The following TBC1D7 variants were observed in gnomAD, a reference collection of about 807,000 sequenced individuals.
TBC1D7 encodes the protein TBC domain family 7.
A neutral mutation model predicts 35.3 loss-of-function variants in TBC1D7; 33 were observed. That is an observed-to-expected ratio of 0.93 (90% CI 0.71 to 1.25). TBC1D7 has a LOEUF of 1.25. Ranked by LOEUF, TBC1D7 falls within the 50% of genes most tolerant of loss-of-function variation. The pLI is 0.00. For missense variants in TBC1D7, 362 were observed against 365.3 expected (o/e 0.99, Z 0.07); for synonymous variants, 135 against 129.5 (o/e 1.04, Z -0.29).
chr6:13,317,444 T>C (rs1250775535), intron 4 of TBC1D7, among the ~76,000 whole-genome samples: 1 of 152,230 alleles, frequency 6.6e-6, no homozygotes, highest in Non-Finnish European at 1.5e-5. Flanking sequence ...GATTTTAATG[T>C]TAAAAAGAAA....
chr6:13,307,837 A>T, intron 5 of TBC1D7, 92 bp from the exon 6 acceptor site: 1 of 1,347,960 alleles, frequency 7.4e-7, no homozygotes. Flanking sequence ...GTACATGCTG[A>T]ATTCAAGGAA....
At chr6:13,311,921 A>C (rs2439543) in intron 5 of TBC1D7, among the ~76,000 whole-genome samples, 46,140 of 150,934 alleles carry the variant, frequency 0.31, 7,314 homozygotes, top group South Asian at 0.45. Flanking sequence ...AAAGGAGTCC[A>C]GAAAGAGATA....
In TBC1D7 at chr6:13,320,940, C is replaced by T. The variant is rs775350711; in HGVS notation, c.349G>A (p.Gly117Arg). 3 of 1,614,136 alleles carry T rather than the reference C, an allele frequency of 1.9e-6. No homozygotes were observed. The South Asian group carries it at 3.3e-5, about 18-fold the overall frequency. The change falls in exon 4 of 8, where the codon GGG becomes AGG. Residue 117 changes from glycine to arginine, a missense_variant. Physicochemically the swap from Gly to Arg is moderately radical, Grantham distance 125. Transcript: ENST00000379300. ...VYLRMYQLES[G>R]KLPRSPSFPL... ...AAAGAGGGACTTCGAGGTAACTTCC[C>T]AGACTCCAGCTGATACATGCGGAGA...
chr6:13,323,606 T>G (rs985003528), intron 3 of TBC1D7: 1 of 152,192 alleles, frequency 6.6e-6, no homozygotes, highest in African/African-American at 2.4e-5. Context: ...CTAAAATAGT[T>G]GTCACCGCTT....
At chr6:13,322,210 T>A (rs1784091947) in intron 3 of TBC1D7, among the ~76,000 whole-genome samples, 1 of 151,408 alleles carries the variant, frequency 6.6e-6, no homozygotes, top group Admixed American at 6.6e-5. Flanking sequence ...GCTGTGATCG[T>A]ACCACCGCAC....
chr6:13,314,726 T>C (rs1210450652), intron 5 of TBC1D7, among the ~76,000 whole-genome samples: 3 of 152,220 alleles, frequency 2.0e-5, no homozygotes, highest in Middle Eastern at 3.2e-3. Flanking sequence ...TTATTAACAA[T>C]TAACTGCAGT....
At chr6:13,308,010 G>C (rs1286094206) in intron 5 of TBC1D7, among the ~76,000 whole-genome samples, 1 of 152,194 alleles carries the variant, frequency 6.6e-6, no homozygotes, top group Non-Finnish European at 1.5e-5. Flanking sequence ...AAAATGGAAT[G>C]GTTGGTCACC....
chr6:13,327,600 G>A (rs1406179834), intron 1 of TBC1D7: 1 of 152,176 alleles, frequency 6.6e-6, no homozygotes, highest in Non-Finnish European at 1.5e-5. Flanking sequence ...ATTATAACTA[G>A]AAGAGGGTAA....
chr6:13,314,935 A>G (rs974509652), intron 5 of TBC1D7, among the ~76,000 whole-genome samples: 36 of 152,248 alleles, frequency 2.4e-4, no homozygotes, highest in African/African-American at 8.4e-4. Flanking sequence ...AGCTTGTGCA[A>G]TGCAGCAAGT....
chr6:13,319,669 TG>T (rs1301928432), intron 4 of TBC1D7: 1 of 152,296 alleles, frequency 6.6e-6, no homozygotes, highest in Admixed American at 6.5e-5. Context: ...TTGTATGAGA[TG>T]TAACATTTGA....
At chr6:13,323,681 C>T (rs1231991086) in intron 3 of TBC1D7, 1 of 152,266 alleles carries the variant, frequency 6.6e-6, no homozygotes, top group Non-Finnish European at 1.5e-5. Flanking sequence ...CCAGGATGAA[C>T]AAGAAACAAG....
At chr6:13,306,257 ATT>A (rs1294800662) in intron 7 of TBC1D7, 139 bp downstream of exon 7, 2 of 605,570 alleles carry the variant, frequency 3.3e-6, no homozygotes, top group Admixed American at 8.4e-5. Flanking sequence ...CATTATTATA[ATT>A]ATTCTCTGAA....
chr6:13,321,144 C>T (rs1784017337), intron 3 of TBC1D7, 49 bp from the exon 4 acceptor site: 2 of 1,502,108 alleles, frequency 1.3e-6, no homozygotes, highest in Non-Finnish European at 1.8e-6. Context: ...TGAGCCATCA[C>T]TCCAAATCCC....
intron 5 of TBC1D7, among the ~76,000 whole-genome samples, chr6:13,312,443 T>C (rs1203394748): frequency 6.6e-6 from 1 of 152,102 alleles, no homozygotes; most frequent in Non-Finnish European, 1.5e-5. Flanking sequence ...TCTCAGCACT[T>C]TGGGAGGCCG....
At chr6:13,316,375 G>C (rs993510164) in intron 5 of TBC1D7, among the ~76,000 whole-genome samples, 196 bp downstream of exon 5, 3 of 152,162 alleles carry the variant, frequency 2.0e-5, no homozygotes, top group African/African-American at 7.2e-5. Flanking sequence ...AGAGTTGAGT[G>C]GTTACAATAG....
At chr6:13,325,895 T>C (rs1584577652) in intron 2 of TBC1D7, among the ~76,000 whole-genome samples, 1 of 152,124 alleles carries the variant, frequency 6.6e-6, no homozygotes, top group African/African-American at 2.4e-5. Flanking sequence ...TGCCTTCAAA[T>C]CCCTACATTT....
chr6:13,314,848 G>GA (rs1293561128), intron 5 of TBC1D7, among the ~76,000 whole-genome samples: 1 of 151,514 alleles, frequency 6.6e-6, no homozygotes, highest in Non-Finnish European at 1.5e-5. Flanking sequence ...AATGATTTAA[G>GA]AAAAAAAGGT....
chr6:13,327,085 C>T (rs1784450924), intron 1 of TBC1D7, 179 bp from the exon 2 acceptor site: 1 of 461,474 alleles, frequency 2.2e-6, no homozygotes, highest in Non-Finnish European at 3.8e-6. Context: ...CTGCAACTAT[C>T]TCACCTATGC....
intron 4 of TBC1D7, chr6:13,320,005 GAGA>G (rs767307359): frequency 6.6e-6 from 1 of 152,208 alleles, no homozygotes. Context: ...AAGAGACACT[GAGA>G]AGGACACAGC....
Sources: allele counts gnomAD v4.1 joint callset (sites outside exome capture counted in the v4.1 genomes callset), GRCh38; gene constraint gnomAD v4.1.1; transcripts MANE v1.5; gene names NCBI Gene and HGNC (gene_info 2026-07-23, HGNC 2026-07-21).